Variants in KATNAL1 observed in about 807,000 individuals in gnomAD.
KATNAL1 encodes the protein katanin p60 ATPase-containing subunit A-like 1.
In KATNAL1, 32 loss-of-function variants were observed where a neutral mutation model predicts 55.2. The observed-to-expected ratio is 0.58, with a 90% CI of 0.44 to 0.78. The LOEUF (loss-of-function observed/expected upper bound fraction) is 0.78. Ranked by LOEUF, KATNAL1 falls within the 30% of genes least tolerant of loss-of-function variation. The pLI is 0.00. For missense variants in KATNAL1, 466 were observed against 600.9 expected (o/e 0.78, Z 2.35); for synonymous variants, 193 against 193.6 (o/e 1.00, Z 0.02).
intron 6 of KATNAL1, among the ~76,000 whole-genome samples, chr13:30,235,919 TA>T (rs910513915): frequency 6.6e-6 from 1 of 152,030 alleles, no homozygotes; most frequent in Non-Finnish European, 1.5e-5. Flanking sequence ...TGTAAACACA[TA>T]TTTTGTATAT....
Position 30,254,844 on chromosome 13 carries a change from T to G in KATNAL1, c.492+603A>C, listed in dbSNP as rs180999229. Among the ~76,000 whole-genome samples, 49 of 152,332 alleles carry G rather than the reference T, an allele frequency of 3.2e-4. No individual in the cohort carries two copies. The East Asian group carries it at 8.9e-3, about 28-fold the overall frequency. On this transcript the variant is annotated intron_variant, in intron 4 of 10. Transcript: ENST00000380615. ...CAGATCATCCTGGCTACCTCCTTAATCTGTAAGATTATCTTCAACCCACTG... is the reference window on the plus strand; with the variant it reads ...CAGATCATCCTGGCTACCTCCTTAAGCTGTAAGATTATCTTCAACCCACTG...
intron 9 of KATNAL1, among the ~76,000 whole-genome samples, chr13:30,221,499 G>A (rs375193723): frequency 1.3e-5 from 2 of 151,956 alleles, no homozygotes; most frequent in African/African-American, 4.8e-5. Context: ...ACACTGAAGA[G>A]AATTAAAAAG....
At chr13:30,243,053 ATAC>A (rs1255966149) in intron 4 of KATNAL1, among the ~76,000 whole-genome samples, 1 of 152,216 alleles carries the variant, frequency 6.6e-6, no homozygotes, top group African/African-American at 2.4e-5. Context: ...GTGTACATAA[ATAC>A]TACTAACTGC....
chr13:30,307,179 C>T (rs202083), intron 1 of KATNAL1, 152 bp downstream of exon 1: 22,921 of 152,224 alleles, frequency 0.15, 2,001 homozygotes, highest in South Asian at 0.25. Flanking sequence ...GCTCCCGCGC[C>T]CCTCCCCGTC....
intron 6 of KATNAL1, among the ~76,000 whole-genome samples, chr13:30,233,268 CAAAT>C (rs1876289711): frequency 6.6e-6 from 1 of 152,056 alleles, no homozygotes; most frequent in African/African-American, 2.4e-5. Flanking sequence ...AGCAAAAAGA[CAAAT>C]AATCCAATTT....
intron 3 of KATNAL1, among the ~76,000 whole-genome samples, chr13:30,262,737 A>C (rs530444425): frequency 6.6e-6 from 1 of 151,962 alleles, no homozygotes; most frequent in South Asian, 2.1e-4. Flanking sequence ...ATAGCTTACC[A>C]ACCAAAAAGA....
Position 30,223,310 on chromosome 13 carries a change from C to T in KATNAL1, c.1147+4102G>A, listed in dbSNP as rs551898344. Among the ~76,000 whole-genome samples, 33 of 151,002 alleles carry T rather than the reference C, an allele frequency of 2.2e-4. No homozygotes were observed. The South Asian group carries it at 3.6e-3, about 16-fold the overall frequency. On this transcript the variant is annotated intron_variant, in intron 9 of 10. Transcript: ENST00000380615. Reference sequence around the variant, plus strand: ...ACAAAAAATTAGCCGGGAATGGTGGCAGGCGCCTGTGGTCCCAGCTACTCG... The same window carrying T: ...ACAAAAAATTAGCCGGGAATGGTGGTAGGCGCCTGTGGTCCCAGCTACTCG...
intron 9 of KATNAL1, among the ~76,000 whole-genome samples, chr13:30,213,857 C>T (rs1221024357): frequency 6.6e-6 from 1 of 152,136 alleles, no homozygotes; most frequent in Non-Finnish European, 1.5e-5. Flanking sequence ...CCTTTGAAAA[C>T]GGGCACAAGA....
At chr13:30,296,237 T>A in intron 1 of KATNAL1, 2 of 1,060,042 alleles carry the variant, frequency 1.9e-6, no homozygotes, top group South Asian at 3.1e-5. Flanking sequence ...GGTGAAGCTG[T>A]CAGACTACAA....
intron 6 of KATNAL1, among the ~76,000 whole-genome samples, chr13:30,239,682 GTGA>G (rs777522711): frequency 8.2e-6 from 1 of 121,530 alleles, no homozygotes; most frequent in Admixed American, 1.2e-4. Flanking sequence ...TGATACAGAA[GTGA>G]TTTTTTTTTT....
At position 30,208,479 on chromosome 13, in the gene KATNAL1, T is replaced by G; in HGVS notation, c.*61A>C. ...AATTCCAAACTTGTTTTTTAAAAAT[T>G]GCAGGAATTTCTTCGTATTTTATCA... On this transcript the variant is annotated 3_prime_UTR_variant, in exon 11 of 11. Coordinates refer to ENST00000380615, the MANE Select transcript of KATNAL1 (RefSeq NM_032116.5). 3 of 1,377,784 alleles carry G rather than the reference T, an allele frequency of 2.2e-6. No individual in the cohort carries two copies. The highest frequency in any genetic ancestry group is 2.9e-6 in the Non-Finnish European group (3 of 1,034,850). The allele number at this position is 1,377,784 out of a possible 1,614,324, so 85.3% of individuals were successfully genotyped here.
At chr13:30,304,443 T>C (rs1008876481) in intron 1 of KATNAL1, among the ~76,000 whole-genome samples, 6 of 152,008 alleles carry the variant, frequency 3.9e-5, no homozygotes, top group African/African-American at 7.3e-5. Flanking sequence ...CTAATTTTTA[T>C]ATTTTTAGGA....
At chr13:30,294,733 G>A (rs1177503213) in intron 1 of KATNAL1, among the ~76,000 whole-genome samples, 3 of 151,880 alleles carry the variant, frequency 2.0e-5, no homozygotes, top group Non-Finnish European at 4.4e-5. Context: ...TGGCTAGAGA[G>A]GAAAAGTGAA....
intron 2 of KATNAL1, among the ~76,000 whole-genome samples, chr13:30,282,209 CA>C (rs1881409660): frequency 6.6e-6 from 1 of 151,998 alleles, no homozygotes; most frequent in East Asian, 1.9e-4. Flanking sequence ...ATTATATAGT[CA>C]AAAGACAGCA....
chr13:30,214,718 A>T (rs535457215), intron 9 of KATNAL1, among the ~76,000 whole-genome samples: 2 of 152,070 alleles, frequency 1.3e-5, no homozygotes, highest in African/African-American at 2.4e-5. Flanking sequence ...CTTGCTAGCC[A>T]TATGTAGAAA....
intron 3 of KATNAL1, among the ~76,000 whole-genome samples, chr13:30,274,900 C>CGCGCGT (rs1880685371): frequency 2.8e-5 from 3 of 105,900 alleles, no homozygotes; most frequent in African/African-American, 8.2e-5. Context: ...TACGCGCGCG[C>CGCGCGT]GCGCGCGCAC....
chr13:30,280,658 G>A (rs1881212250), intron 2 of KATNAL1, among the ~76,000 whole-genome samples: 1 of 151,874 alleles, frequency 6.6e-6, no homozygotes, highest in African/African-American at 2.4e-5. Context: ...AATATAAAAC[G>A]CCTGTCATGA....
At chr13:30,225,354 A>T (rs1875349082) in intron 9 of KATNAL1, among the ~76,000 whole-genome samples, 1 of 152,156 alleles carries the variant, frequency 6.6e-6, no homozygotes, top group Admixed American at 6.5e-5. Context: ...ATCAGCTTCC[A>T]CATTCACATT....
chr13:30,231,467 T>C lies in KATNAL1; in HGVS notation c.732A>G (p.Val244=). The change falls in exon 7 of 11, where the codon GTA becomes GTG. Residue 244 remains valine (V), a synonymous_variant. Coordinates refer to ENST00000380615, the MANE Select transcript of KATNAL1 (RefSeq NM_032116.5). The part of the protein sequence containing the change: ...FKGIRRPWKG[V]LMVGPPGTGK... ...CAGTGCCTGGGGGTCCAACCATCAG[T>C]ACACCCTGAAATTTCAAAAGACAAA... The C allele has an allele frequency of 6.6e-7, 1 of 1,514,306 alleles. No individual in the cohort carries two copies. The highest frequency in any genetic ancestry group is 8.8e-7 in the Non-Finnish European group (1 of 1,130,804). 93.8% of individuals were successfully genotyped at this position (1,514,306 alleles called of 1,614,324 possible). A position where few individuals can be genotyped will look rare whatever the true frequency, so the allele number is the denominator to read the frequency against.
Sources: gnomAD v4.1 joint callset for allele counts (sites outside exome capture counted in the v4.1 genomes callset) on GRCh38, gnomAD v4.1.1 for gene constraint, MANE v1.5 for transcripts, NCBI Gene and HGNC (gene_info 2026-07-23, HGNC 2026-07-21) for gene names.